The following LRRC3B variants were observed in gnomAD, a reference collection of about 807,000 sequenced individuals.
LRRC3B encodes leucine-rich repeat-containing protein 3B.
In LRRC3B, 2 loss-of-function variants were observed where a neutral mutation model predicts 12.8. That is an observed-to-expected ratio of 0.16 (90% CI 0.06 to 0.49). The LOEUF (loss-of-function observed/expected upper bound fraction) is 0.49, where lower values mean the gene tolerates loss of function less well. Ranked by LOEUF, LRRC3B falls within the 20% of genes least tolerant of loss-of-function variation. The pLI, the probability that LRRC3B is intolerant of heterozygous loss-of-function variation, is 0.96. For synonymous variants in LRRC3B, 132 were observed against 122.0 expected (o/e 1.08, Z -0.54); for missense variants, 189 against 319.4 (o/e 0.59, Z 3.11).
At chr3:26,710,453 T>C in exon 2 of LRRC3B, 1 of 1,556,900 alleles carries the variant, frequency 6.4e-7, no homozygotes. Flanking sequence ...TGTGGTATAG[T>C]GTCCAAACTG....
Position 26,707,888 on chromosome 3 carries a change from T to TTGA in LRRC3B, c.-160-1622_-160-1620dup, listed in dbSNP as rs1700641816. Among the ~76,000 whole-genome samples, 3 of 152,270 alleles carry TTGA rather than the reference T, an allele frequency of 2.0e-5. No individual in the cohort carries two copies. The South Asian group carries it at 6.2e-4, about 32-fold the overall frequency. ...CTTTCATTGCCAATGAAATGATCTG[T>TTGA]TGATGGAGGGCTTAGTAAGCTTAGG... On this transcript the variant is annotated intron_variant, in intron 1 of 1. Transcript: ENST00000396641.
intron 1 of LRRC3B, among the ~76,000 whole-genome samples, chr3:26,661,572 T>G (rs965120087): frequency 9.2e-5 from 14 of 152,202 alleles, no homozygotes; most frequent in African/African-American, 3.4e-4. Context: ...ATAAACATCA[T>G]TTTAATGGCT....
intron 1 of LRRC3B, among the ~76,000 whole-genome samples, chr3:26,634,434 A>G (rs1312144823): frequency 6.6e-6 from 1 of 152,198 alleles, no homozygotes; most frequent in African/African-American, 2.4e-5. Context: ...ACGTAGGTGT[A>G]GTTTTCCCCT....
In LRRC3B at chr3:26,638,682, G is replaced by A. The variant is rs73148426; in HGVS notation, c.-161+15445G>A. Among the ~76,000 whole-genome samples, 403 of 152,324 alleles carry A rather than the reference G, an allele frequency of 2.6e-3. 1 individual carries two copies. The highest frequency in any genetic ancestry group is 9.2e-3 in the African/African-American group (384 of 41,572). On this transcript the variant is annotated intron_variant, in intron 1 of 1. Coordinates refer to ENST00000396641, the Ensembl canonical transcript of LRRC3B. ...AAGTTTGCAATTGACTTCATAATTG[G>A]TCCCTTTGGAGAGAGATGCTGTTGC... is the stretch of plus-strand genomic sequence containing the variant.
intron 1 of LRRC3B, among the ~76,000 whole-genome samples, chr3:26,650,428 T>C (rs1699241219): frequency 6.6e-6 from 1 of 152,164 alleles, no homozygotes; most frequent in Non-Finnish European, 1.5e-5. Flanking sequence ...GAAAAGATCA[T>C]GCTAGATCTG....
chr3:26,634,158 A>G (rs988466114), intron 1 of LRRC3B, among the ~76,000 whole-genome samples: 2 of 152,210 alleles, frequency 1.3e-5, no homozygotes, highest in Admixed American at 1.3e-4. Context: ...ACCACAGGTG[A>G]GAGTTTCTTC....
At chr3:26,640,011 C>A (rs1698989464) in intron 1 of LRRC3B, among the ~76,000 whole-genome samples, 1 of 152,142 alleles carries the variant, frequency 6.6e-6, no homozygotes, top group Admixed American at 6.5e-5. Context: ...GGATAAACAG[C>A]TAAAGCACAG....
At chr3:26,659,523 T>C (rs1699449581) in intron 1 of LRRC3B, among the ~76,000 whole-genome samples, 1 of 152,198 alleles carries the variant, frequency 6.6e-6, no homozygotes, top group African/African-American at 2.4e-5. Context: ...GATTTAAGAA[T>C]TCAATGGAAA....
At chr3:26,682,551 T>TGC (rs1666780345) in intron 1 of LRRC3B, among the ~76,000 whole-genome samples, 2 of 152,206 alleles carry the variant, frequency 1.3e-5, no homozygotes, top group African/African-American at 4.8e-5. Flanking sequence ...GGTGGGAAGA[T>TGC]CTATTTATTT....
chr3:26,697,765 G>T (rs919764607), intron 1 of LRRC3B, among the ~76,000 whole-genome samples: 3 of 152,054 alleles, frequency 2.0e-5, no homozygotes, highest in African/African-American at 7.2e-5. Flanking sequence ...ATTTAAATCA[G>T]ATGTGCAAAG....
chr3:26,702,947 G>T (rs573954086), intron 1 of LRRC3B, among the ~76,000 whole-genome samples: 3 of 152,140 alleles, frequency 2.0e-5, no homozygotes, highest in African/African-American at 2.4e-5. Flanking sequence ...GGTATGCAAA[G>T]TTGAGGCCCT....
intron 1 of LRRC3B, among the ~76,000 whole-genome samples, chr3:26,651,340 T>C (rs1220877253): frequency 6.6e-6 from 1 of 152,220 alleles, no homozygotes; most frequent in Admixed American, 6.5e-5. Context: ...ATCACTCCCT[T>C]TTATTCTCTG....
intron 1 of LRRC3B, among the ~76,000 whole-genome samples, chr3:26,627,832 G>C (rs1698662521): frequency 1.3e-5 from 2 of 152,118 alleles, no homozygotes; most frequent in Non-Finnish European, 2.9e-5. Flanking sequence ...TCATCCAGAA[G>C]GGTGACCTTC....
intron 1 of LRRC3B, among the ~76,000 whole-genome samples, chr3:26,671,630 T>C (rs1180150485): frequency 6.6e-6 from 1 of 151,330 alleles, no homozygotes; most frequent in Non-Finnish European, 1.5e-5. Flanking sequence ...CTTGATCTCA[T>C]GGTCCGCCCG....
At chr3:26,627,015 C>A (rs964672013) in intron 1 of LRRC3B, among the ~76,000 whole-genome samples, 1 of 152,124 alleles carries the variant, frequency 6.6e-6, no homozygotes, top group African/African-American at 2.4e-5. Flanking sequence ...AAAGTTTATG[C>A]TGATGTAAAG....
intron 1 of LRRC3B, among the ~76,000 whole-genome samples, chr3:26,684,128 T>G (rs1021026414): frequency 3.3e-5 from 5 of 152,220 alleles, no homozygotes; most frequent in Admixed American, 6.5e-5. Flanking sequence ...CTTGGAATCT[T>G]TATTCTCCAC....
intron 1 of LRRC3B, among the ~76,000 whole-genome samples, chr3:26,671,955 G>A (rs941318148): frequency 1.6e-4 from 24 of 151,972 alleles, no homozygotes; most frequent in African/African-American, 5.3e-4. Flanking sequence ...CTATTTAGGC[G>A]GTTGAAAATG....
chr3:26,690,568 G>A (rs761049250), intron 1 of LRRC3B, among the ~76,000 whole-genome samples: 10 of 152,156 alleles, frequency 6.6e-5, no homozygotes, highest in Non-Finnish European at 1.0e-4. Context: ...TAATTTTTCC[G>A]GGTGCTTCCC....
intron 1 of LRRC3B, among the ~76,000 whole-genome samples, chr3:26,680,419 T>C: frequency 6.6e-6 from 1 of 152,346 alleles, no homozygotes; most frequent in African/African-American, 2.4e-5. Flanking sequence ...AGAACGTTCT[T>C]ACAGGATTTC....
Sources: gnomAD v4.1 joint callset for allele counts (sites outside exome capture counted in the v4.1 genomes callset) on GRCh38, gnomAD v4.1.1 for gene constraint, MANE v1.5 for transcripts, NCBI Gene and HGNC (gene_info 2026-07-23, HGNC 2026-07-21) for gene names.